DIS3L2: variants seen among roughly 807,000 people sequenced by gnomAD.
DIS3L2 encodes the protein DIS3-like exonuclease 2.
In DIS3L2, 34 loss-of-function variants were observed where a neutral mutation model predicts 97.5. That is an observed-to-expected ratio of 0.35 (90% CI 0.27 to 0.46). The LOEUF (loss-of-function observed/expected upper bound fraction) is 0.46, where lower values mean the gene tolerates loss of function less well. DIS3L2 is among the 20% of genes least tolerant of loss of function. The pLI, the probability that DIS3L2 is intolerant of heterozygous loss-of-function variation, is 1.00. For synonymous variants in DIS3L2, 435 were observed against 445.2 expected (o/e 0.98, Z 0.29); for missense variants, 1,038 against 1,146.0 (o/e 0.91, Z 1.36).
At chr2:232,234,237 C>G (rs898708125) in intron 10 of DIS3L2, among the ~76,000 whole-genome samples, 6 of 152,240 alleles carry the variant, frequency 3.9e-5, no homozygotes, top group South Asian at 2.1e-4. Context: ...TCAGATAATT[C>G]ATCTGTGCAA....
intron 13 of DIS3L2, among the ~76,000 whole-genome samples, chr2:232,287,222 G>A (rs866782918): frequency 9.9e-5 from 15 of 152,212 alleles, no homozygotes; most frequent in Middle Eastern, 3.4e-3. Flanking sequence ...AGATTATTGT[G>A]AAACTTATTT....
chr2:232,048,403 A>G (rs1695303208), intron 5 of DIS3L2, among the ~76,000 whole-genome samples: 1 of 151,982 alleles, frequency 6.6e-6, no homozygotes, highest in African/African-American at 2.4e-5. Context: ...GGAGCATCAA[A>G]AGTTCTCTCT....
chr2:232,005,914 G>A (rs938533669), intron 1 of DIS3L2, among the ~76,000 whole-genome samples: 8 of 152,182 alleles, frequency 5.3e-5, no homozygotes, highest in African/African-American at 9.7e-5. Context: ...ATGGCTGGGC[G>A]CGGTGGCTCA....
At chr2:232,018,402 G>A (rs1374911724) in intron 3 of DIS3L2, among the ~76,000 whole-genome samples, 2 of 152,148 alleles carry the variant, frequency 1.3e-5, no homozygotes, top group Non-Finnish European at 2.9e-5. Flanking sequence ...CTTTGCAGAT[G>A]GGAAAAGGAA....
chr2:231,982,381 A>G (rs1460361738), intron 1 of DIS3L2, among the ~76,000 whole-genome samples: 1 of 152,182 alleles, frequency 6.6e-6, no homozygotes, highest in Non-Finnish European at 1.5e-5. Context: ...ATGGGAAGCA[A>G]GATATTATAT....
At chr2:232,092,286 A>G (rs888518073) in intron 6 of DIS3L2, among the ~76,000 whole-genome samples, 2 of 152,192 alleles carry the variant, frequency 1.3e-5, no homozygotes, top group Non-Finnish European at 2.9e-5. Flanking sequence ...TTTTTATGCC[A>G]GTACCATGCC....
intron 12 of DIS3L2, 93 bp from the exon 13 acceptor site, chr2:232,263,113 CT>C: frequency 7.7e-7 from 1 of 1,300,412 alleles, no homozygotes; most frequent in South Asian, 1.3e-5. Context: ...CTCAATAAAT[CT>C]TTGTTGAATG....
At chr2:232,326,849 C>A (rs562860379) in intron 14 of DIS3L2, among the ~76,000 whole-genome samples, 1 of 152,132 alleles carries the variant, frequency 6.6e-6, no homozygotes, top group Non-Finnish European at 1.5e-5. Flanking sequence ...CCAGGCTTCA[C>A]GTTCAAGGTC....
intron 6 of DIS3L2, among the ~76,000 whole-genome samples, chr2:232,106,555 A>C (rs1195167350): frequency 6.6e-6 from 1 of 152,226 alleles, no homozygotes; most frequent in East Asian, 1.9e-4. Context: ...AGGAGAGTTA[A>C]ATGTCCTAAA....
At chr2:232,220,242 A>AG (rs1288417047) in intron 10 of DIS3L2, among the ~76,000 whole-genome samples, 10 of 152,032 alleles carry the variant, frequency 6.6e-5, no homozygotes, top group African/African-American at 2.2e-4. Context: ...CTGGGGGTTC[A>AG]AGCCTGCAGT....
At chr2:232,221,139 A>G (rs1692496458) in intron 10 of DIS3L2, among the ~76,000 whole-genome samples, 1 of 148,560 alleles carries the variant, frequency 6.7e-6, no homozygotes, top group South Asian at 2.1e-4. Context: ...TTTAATTTTC[A>G]TCTCTTGGGA....
At chr2:232,165,656 T>A (rs1274290658) in intron 9 of DIS3L2, among the ~76,000 whole-genome samples, 1 of 152,192 alleles carries the variant, frequency 6.6e-6, no homozygotes, top group Non-Finnish European at 1.5e-5. Flanking sequence ...CCCAAAATGC[T>A]GGGATTATAA....
chr2:232,174,543 G>A lies in DIS3L2; in HGVS notation c.1124+10911G>A, dbSNP rs139800271. Among the ~76,000 whole-genome samples, 1,039 of 135,812 alleles carry A rather than the reference G, an allele frequency of 7.7e-3. 57 individuals carry two copies. The highest frequency in any genetic ancestry group is 0.065 in the Admixed American group (786 of 12,056). 89.1% of individuals were successfully genotyped at this position (135,812 alleles called of 152,430 possible). A position where few individuals can be genotyped will look rare whatever the true frequency, so the allele number is the denominator to read the frequency against. On this transcript the variant is annotated intron_variant, in intron 9 of 20. Coordinates refer to ENST00000325385, the MANE Select transcript of DIS3L2 (RefSeq NM_152383.5). ...GGAGGCAGCAGTGAGCAGAGATCACGCCACTGCACTCCAGCCAGGGTAACA... is the reference window on the plus strand; with the variant it reads ...GGAGGCAGCAGTGAGCAGAGATCACACCACTGCACTCCAGCCAGGGTAACA...
At chr2:232,206,378 A>G (rs1005848502) in intron 9 of DIS3L2, among the ~76,000 whole-genome samples, 6 of 152,216 alleles carry the variant, frequency 3.9e-5, no homozygotes, top group Admixed American at 6.5e-5. Context: ...CACATAGGAA[A>G]TATTTCAGGC....
chr2:232,249,378 AC>A, intron 12 of DIS3L2, 32 bp downstream of exon 12: 2 of 1,601,678 alleles, frequency 1.2e-6, no homozygotes, highest in Non-Finnish European at 8.5e-7. Context: ...TTCTCCACTT[AC>A]CTCTTTTCTG....
intron 14 of DIS3L2, among the ~76,000 whole-genome samples, chr2:232,305,956 GAA>G (rs35105470): frequency 2.2e-5 from 3 of 136,666 alleles, no homozygotes; most frequent in African/African-American, 5.4e-5. Context: ...CCCCATCTCA[GAA>G]AAAAAAAAAA....
rs546731083 is a variant in DIS3L2 at position 232,013,470 on chromosome 2, T to C, written c.-93-1365T>C. On this transcript the variant is annotated intron_variant, in intron 1 of 20. Transcript: ENST00000325385. ...AATTAATTTTGCGAGAACTCGCCTG[T>C]ATTTTCTGTTTGCGCCTCTATTTTT... 9.3e-4 allele frequency among the ~76,000 whole-genome samples: 141 copies of C among 152,370 alleles called. 1 individual carries two copies. Among genetic ancestry groups the C allele is most frequent in the African/African-American group, 3.0e-3 (123 of 41,604 alleles).
chr2:232,062,548 G>A lies in DIS3L2; in HGVS notation c.367-24939G>A, dbSNP rs373463761. ...GTGGTAGCCCCCCAAGTTGATCTCTGTGCCATTTGGACATGTCCTCATCGT... is the reference window on the plus strand; with the variant it reads ...GTGGTAGCCCCCCAAGTTGATCTCTATGCCATTTGGACATGTCCTCATCGT... On this transcript the variant is annotated intron_variant, in intron 5 of 20. Coordinates refer to ENST00000325385, the MANE Select transcript of DIS3L2 (RefSeq NM_152383.5). Among the ~76,000 whole-genome samples, 141 of 152,138 alleles carry A rather than the reference G, an allele frequency of 9.3e-4. 2 individuals are homozygous for A. In the Middle Eastern group the frequency reaches 0.014, roughly 15 times the overall value.
intron 10 of DIS3L2, among the ~76,000 whole-genome samples, chr2:232,226,067 T>A (rs1384733666): frequency 1.3e-5 from 2 of 152,206 alleles, no homozygotes; most frequent in African/African-American, 4.8e-5. Flanking sequence ...GCTTTCTTTC[T>A]GGGGTGATGA....
Sources: allele counts gnomAD v4.1 joint callset (sites outside exome capture counted in the v4.1 genomes callset), GRCh38; gene constraint gnomAD v4.1.1; transcripts MANE v1.5; gene names NCBI Gene and HGNC (gene_info 2026-07-23, HGNC 2026-07-21).